UMAD1: variants seen among roughly 807,000 people sequenced by gnomAD.
UMAD1 encodes UBAP1-MVB12-associated (UMA)-domain containing protein 1.
UMAD1 carries 8 observed loss-of-function variants against 6.1 expected under a neutral mutation model. The ratio of observed to expected loss-of-function variants is 1.30; its 90% confidence interval spans 0.76 to 2.35. UMAD1 has a LOEUF of 2.35. Among genes scored for constraint, UMAD1 ranks in the 30% most tolerant of loss-of-function variants. UMAD1 has a pLI of 0.00. For missense variants in UMAD1, 130 were observed against 78.4 expected, an observed-to-expected ratio of 1.66 and a Z score of -2.49; for synonymous variants, 56 against 31.4, an observed-to-expected ratio of 1.78 and a Z score of -2.61.
chr7:7,748,302 T>A (rs1253353796), intron 2 of UMAD1, among the ~76,000 whole-genome samples: 5 of 152,064 alleles, frequency 3.3e-5, no homozygotes, highest in Admixed American at 2.6e-4. Context: ...TATGTAATTG[T>A]TTATGTCATA....
At chr7:7,831,548 T>C (rs765816581) in intron 3 of UMAD1, among the ~76,000 whole-genome samples, 1 of 152,114 alleles carries the variant, frequency 6.6e-6, no homozygotes, top group Non-Finnish European at 1.5e-5. Flanking sequence ...TTTTGTGTTG[T>C]TTTTAGGCTC....
At chr7:7,689,346 T>C (rs1367674584) in intron 2 of UMAD1, 2 of 152,180 alleles carry the variant, frequency 1.3e-5, no homozygotes, top group Non-Finnish European at 2.9e-5. Flanking sequence ...AGAGCTAGCT[T>C]GAGACAGAGG....
chr7:7,666,092 A>C (rs755702287), intron 1 of UMAD1, among the ~76,000 whole-genome samples: 4 of 152,234 alleles, frequency 2.6e-5, no homozygotes, highest in Non-Finnish European at 1.5e-5. Context: ...TGTTGTCCAC[A>C]GTGGCTGTAC....
intron 3 of UMAD1, among the ~76,000 whole-genome samples, chr7:7,851,792 AAT>A (rs1783922935): frequency 2.0e-5 from 3 of 152,102 alleles, no homozygotes; most frequent in African/African-American, 7.2e-5. Flanking sequence ...TCCTTTATCA[AAT>A]ATATACTTTT....
chr7:7,732,432 C>T (rs1381089761), intron 2 of UMAD1, among the ~76,000 whole-genome samples: 1 of 152,058 alleles, frequency 6.6e-6, no homozygotes, highest in African/African-American at 2.4e-5. Context: ...ACATCATAGC[C>T]ATTTGGGGTG....
intron 3 of UMAD1, among the ~76,000 whole-genome samples, chr7:7,849,877 T>C (rs1442272139): frequency 1.3e-5 from 2 of 152,090 alleles, no homozygotes; most frequent in Non-Finnish European, 2.9e-5. Flanking sequence ...GCTGAGACTT[T>C]TAAGAGTTAG....
chr7:7,871,820 C>T (rs1784337797), intron 3 of UMAD1, among the ~76,000 whole-genome samples: 2 of 148,774 alleles, frequency 1.3e-5, no homozygotes, highest in Non-Finnish European at 3.0e-5. Context: ...CAAGGAATTA[C>T]GTTCTCACAA....
chr7:7,812,284 T>C (rs922225999), intron 3 of UMAD1, among the ~76,000 whole-genome samples: 20 of 152,214 alleles, frequency 1.3e-4, no homozygotes, highest in African/African-American at 4.8e-4. Context: ...TTTTATGCAA[T>C]GTTTCTGCTC....
chr7:7,852,204 T>C (rs1250789970), intron 3 of UMAD1, among the ~76,000 whole-genome samples: 1 of 152,198 alleles, frequency 6.6e-6, no homozygotes, highest in East Asian at 1.9e-4. Flanking sequence ...TATTTCTGGA[T>C]GTTTGGAAAA....
chr7:7,747,341 A>G (rs1261556431), intron 2 of UMAD1, among the ~76,000 whole-genome samples: 1 of 152,190 alleles, frequency 6.6e-6, no homozygotes, highest in African/African-American at 2.4e-5. Flanking sequence ...CACTTGCTAT[A>G]TCATAGAGCA....
In UMAD1 at chr7:7,874,843, G is replaced by T. The variant is rs575437827; in HGVS notation, c.157-2438G>T. Among the ~76,000 whole-genome samples, 3 of 152,298 alleles carry T rather than the reference G, an allele frequency of 2.0e-5. No homozygotes were observed. The South Asian group carries it at 6.2e-4, about 32-fold the overall frequency. ...GTGACTGCAAGAGAACACCAGGAGG[G>T]CTTCTGGGGGCTGGTCTTTTCTATT... On this transcript the variant is annotated intron_variant, in intron 3 of 3. Coordinates refer to ENST00000682710, the MANE Select transcript of UMAD1 (RefSeq NM_001302348.2).
chr7:7,854,790 C>T (rs187960202), intron 3 of UMAD1, among the ~76,000 whole-genome samples: 4 of 152,148 alleles, frequency 2.6e-5, no homozygotes, highest in Non-Finnish European at 5.9e-5. Context: ...CAGCATTAAC[C>T]CAAAAATCCA....
At chr7:7,783,943 A>G (rs980959348) in intron 2 of UMAD1, among the ~76,000 whole-genome samples, 1 of 152,202 alleles carries the variant, frequency 6.6e-6, no homozygotes, top group Non-Finnish European at 1.5e-5. Context: ...ATTAAAGATG[A>G]AGAAGAAATT....
intron 2 of UMAD1, among the ~76,000 whole-genome samples, chr7:7,770,273 A>G (rs1024521696): frequency 5.3e-5 from 8 of 152,246 alleles, no homozygotes; most frequent in Non-Finnish European, 7.4e-5. Context: ...CCCAGAGGCA[A>G]GTGCATCTAT....
Position 7,673,310 on chromosome 7 carries a change from T to TAGCAGCAGCAGCAGCAGC in UMAD1, c.-18_-1dup. 4.3e-4 allele frequency: 447 copies of TAGCAGCAGCAGCAGCAGC among 1,033,872 alleles called. No homozygotes were observed. The highest frequency in any genetic ancestry group is 1.2e-3 in the African/African-American group (74 of 60,992). 64.0% of individuals were successfully genotyped at this position (1,033,872 alleles called of 1,614,324 possible). ...CATTGTGTAATGTTTCTATTTCAGG[T>TAGCAGCAGCAGCAGCAGC]AGCAGCAGCAGCAGCAGCAGCAGCA... On this transcript the variant is annotated splice_region_variant and 5_prime_UTR_variant, in exon 2 of 4. Coordinates refer to ENST00000682710, the MANE Select transcript of UMAD1 (RefSeq NM_001302348.2).
intron 2 of UMAD1, among the ~76,000 whole-genome samples, chr7:7,761,448 C>G (rs1338118191): frequency 6.6e-6 from 1 of 150,882 alleles, no homozygotes; most frequent in Non-Finnish European, 1.5e-5. Context: ...GAATAAGACA[C>G]TTGACTGCCA....
intron 1 of UMAD1, among the ~76,000 whole-genome samples, chr7:7,660,429 G>A (rs909664133): frequency 6.6e-6 from 1 of 152,208 alleles, no homozygotes; most frequent in African/African-American, 2.4e-5. Context: ...TGTTTTTGCA[G>A]TGGCTGGTAC....
At chr7:7,702,852 A>G (rs2115156711) in intron 2 of UMAD1, among the ~76,000 whole-genome samples, 1 of 152,302 alleles carries the variant, frequency 6.6e-6, no homozygotes. Context: ...CAAGTCAACC[A>G]GTTTGTTTGC....
chr7:7,797,021 G>C (rs1437513797), intron 2 of UMAD1, among the ~76,000 whole-genome samples: 1 of 152,190 alleles, frequency 6.6e-6, no homozygotes, highest in Admixed American at 6.5e-5. Flanking sequence ...TACCTGAGAA[G>C]GGTAATTTAT....
Sources: allele counts gnomAD v4.1 joint callset (sites outside exome capture counted in the v4.1 genomes callset), GRCh38; gene constraint gnomAD v4.1.1; transcripts MANE v1.5; gene names NCBI Gene and HGNC (gene_info 2026-07-23, HGNC 2026-07-21).